The following KIF23 variants were observed in gnomAD, a reference collection of about 807,000 sequenced individuals.
The protein encoded by KIF23 is kinesin-like protein KIF23.
In KIF23, 30 loss-of-function variants were observed where a neutral mutation model predicts 137.5. The ratio of observed to expected loss-of-function variants is 0.22; its 90% CI spans 0.16 to 0.30. The LOEUF is 0.30. Ranked by LOEUF, KIF23 falls within the 10% of genes least tolerant of loss-of-function variation. The probability of loss-of-function intolerance (pLI) is 1.00; values close to 1 mark genes in which losing one functional copy is unlikely to be tolerated. For missense variants in KIF23, 920 were observed against 1,194.3 expected (o/e 0.77, Z 3.38); for synonymous variants, 367 against 391.1 (o/e 0.94, Z 0.73).
intron 20 of KIF23, among the ~76,000 whole-genome samples, chr15:69,445,576 A>T (rs906942615): frequency 2.0e-5 from 3 of 151,538 alleles, no homozygotes; most frequent in African/African-American, 7.3e-5. Flanking sequence ...TTTTTATTTC[A>T]ATTTCAATTT....
intron 20 of KIF23, among the ~76,000 whole-genome samples, chr15:69,445,257 C>T (rs944515225): frequency 6.6e-6 from 1 of 152,032 alleles, no homozygotes; most frequent in Non-Finnish European, 1.5e-5. Context: ...ATAGATTCTT[C>T]GGTTTCTTAG....
intron 19 of KIF23, among the ~76,000 whole-genome samples, chr15:69,443,067 C>T (rs551402615): frequency 2.0e-5 from 3 of 152,244 alleles, no homozygotes; most frequent in East Asian, 1.9e-4. Context: ...GACTTTCTTT[C>T]GTGTTCAACA....
intron 3 of KIF23, among the ~76,000 whole-genome samples, chr15:69,418,337 A>G (rs952295597): frequency 6.6e-6 from 1 of 152,104 alleles, no homozygotes; most frequent in Non-Finnish European, 1.5e-5. Flanking sequence ...TCTGGCTCTC[A>G]ACATTCAACC....
In KIF23 at chr15:69,426,155, G is replaced by A. The variant is rs1185943733; in HGVS notation, c.862G>A (p.Glu288Lys). 11 of 1,608,806 alleles carry A rather than the reference G, an allele frequency of 6.8e-6. No individual in the cohort carries two copies. Among genetic ancestry groups the A allele is most frequent in the Non-Finnish European group, 9.3e-6 (11 of 1,178,820 alleles). The change falls in exon 9 of 24, where the codon GAG (glutamate) becomes AAG (lysine). Residue 288 changes from glutamate (E) to lysine (K), a missense_variant. By Grantham distance (56) the Glu-to-Lys change is moderately conservative. Coordinates refer to ENST00000679126, the MANE Select transcript of KIF23 (RefSeq NM_001367805.3). Reference sequence around the variant, plus strand: ...TACAGAAGTTGAAGTGAAATCTACTGAGGAGGCTTTTGAAGTTTTCTGGAG... The same window carrying A: ...TACAGAAGTTGAAGTGAAATCTACTAAGGAGGCTTTTGAAGTTTTCTGGAG... ...GCTEVEVKSTEEAFEVFWRGQ... is the reference protein window; with the variant it reads ...GCTEVEVKSTKEAFEVFWRGQ...
chr15:69,429,889 C>T (rs943093949), intron 11 of KIF23, among the ~76,000 whole-genome samples: 5 of 151,906 alleles, frequency 3.3e-5, no homozygotes, highest in Middle Eastern at 3.2e-3. Context: ...GGGCGTGGTG[C>T]GTCTATAGTT....
intron 19 of KIF23, among the ~76,000 whole-genome samples, chr15:69,442,423 GCT>G (rs2057643365): frequency 6.6e-6 from 1 of 152,130 alleles, no homozygotes; most frequent in Admixed American, 6.5e-5. Context: ...TCTTCACAAA[GCT>G]CTCTTAGAAT....
At chr15:69,446,995 C>A in intron 23 of KIF23, 54 bp downstream of exon 23, 1 of 1,413,614 alleles carries the variant, frequency 7.1e-7, no homozygotes, top group South Asian at 1.1e-5. Flanking sequence ...CTCCTCTGGT[C>A]TTTACATTAT....
At chr15:69,447,080 G>T (rs2057756351) in intron 23 of KIF23, 139 bp downstream of exon 23, 2 of 753,848 alleles carry the variant, frequency 2.7e-6, no homozygotes, top group African/African-American at 1.7e-5. Context: ...GACTATCTGG[G>T]CCTCCATGGG....
At chr15:69,421,889 C>A in intron 4 of KIF23, 103 bp from the exon 5 acceptor site, 1 of 1,453,434 alleles carries the variant, frequency 6.9e-7, no homozygotes, top group East Asian at 2.3e-5. Context: ...CTAAACTTGC[C>A]TTTTTTGAGC....
intron 10 of KIF23, chr15:69,427,327 T>G (rs759686344): frequency 4.4e-6 from 2 of 453,346 alleles, no homozygotes; most frequent in South Asian, 3.1e-5. Flanking sequence ...TGACTCTGTA[T>G]GTAGGCGATG....
chr15:69,434,060 A>G (rs1028139786), intron 11 of KIF23, among the ~76,000 whole-genome samples: 2 of 152,216 alleles, frequency 1.3e-5, no homozygotes, highest in African/African-American at 2.4e-5. Flanking sequence ...TATTTTTACA[A>G]ATGCTTCCTG....
intron 1 of KIF23, 60 bp downstream of exon 1, chr15:69,414,536 G>GGGGGCAGGCGTCTCCACTCAA (rs1439062027): frequency 2.1e-5 from 31 of 1,469,808 alleles, no homozygotes; most frequent in Non-Finnish European, 2.7e-5. Context: ...CCTCGGGGCT[G>GGGGGCAGGCGTCTCCACTCAA]GGGGCAGGCG....
At chr15:69,419,331 TC>T (rs1267492207) in intron 3 of KIF23, among the ~76,000 whole-genome samples, 1 of 152,212 alleles carries the variant, frequency 6.6e-6, no homozygotes, top group African/African-American at 2.4e-5. Context: ...AATCTCATTT[TC>T]CTGTTCAAAA....
At chr15:69,435,931 C>A in intron 13 of KIF23, 160 bp downstream of exon 13, 1 of 1,221,546 alleles carries the variant, frequency 8.2e-7, no homozygotes, top group Non-Finnish European at 1.1e-6. Context: ...CTTATAATCC[C>A]AACATGTTGG....
At chr15:69,431,613 C>CA (rs58235050) in intron 11 of KIF23, among the ~76,000 whole-genome samples, 97 of 136,902 alleles carry the variant, frequency 7.1e-4, no homozygotes, top group African/African-American at 2.3e-3. Context: ...GACTCCGTCT[C>CA]AAAAAAAAAA....
At chr15:69,440,735 T>G (rs1157068350) in intron 18 of KIF23, 33 bp from the exon 19 acceptor site, 1 of 1,542,774 alleles carries the variant, frequency 6.5e-7, no homozygotes, top group Non-Finnish European at 8.8e-7. Flanking sequence ...AGTTTTTCAG[T>G]CTTGCTCATT....
chr15:69,426,049 T>A (rs370634734), intron 8 of KIF23, 21 bp from the exon 9 acceptor site: 1 of 1,467,400 alleles, frequency 6.8e-7, no homozygotes, highest in Non-Finnish European at 9.1e-7. Context: ...AGGAGACTAA[T>A]CTTTTTTTTC....
chr15:69,445,160 T>C (rs1414553553), intron 20 of KIF23, 119 bp downstream of exon 20: 3 of 984,136 alleles, frequency 3.0e-6, no homozygotes, highest in Non-Finnish European at 4.4e-6. Context: ...CAGTAGGTAT[T>C]TGATATAACC....
intron 7 of KIF23, 135 bp from the exon 8 acceptor site, chr15:69,425,147 A>G: frequency 1.5e-6 from 1 of 658,646 alleles, no homozygotes. Flanking sequence ...AGTACTTTTA[A>G]TACAATGAAA....
Sources: allele counts gnomAD v4.1 joint callset (sites outside exome capture counted in the v4.1 genomes callset), GRCh38; gene constraint gnomAD v4.1.1; transcripts MANE v1.5; gene names NCBI Gene and HGNC (gene_info 2026-07-23, HGNC 2026-07-21).